Variants in TTC6 observed in about 807,000 individuals in gnomAD.
The protein encoded by TTC6 is tetratricopeptide repeat protein 6.
TTC6 carries 172 observed loss-of-function variants against 210.4 expected under a neutral mutation model. That is an observed-to-expected ratio of 0.82 (90% CI 0.72 to 0.93). The LOEUF (loss-of-function observed/expected upper bound fraction) is 0.93. TTC6 is among the 40% of genes least tolerant of loss of function. The pLI, the probability that TTC6 is intolerant of heterozygous loss-of-function variation, is 0.00. For missense variants in TTC6, 2,414 were observed against 2,318.1 expected (o/e 1.04, Z -0.85); for synonymous variants, 804 against 819.6 (o/e 0.98, Z 0.32).
chr14:37,694,963 C>T (rs1387423052), intron 3 of TTC6, among the ~76,000 whole-genome samples: 1 of 149,206 alleles, frequency 6.7e-6, no homozygotes, highest in African/African-American at 2.5e-5. Flanking sequence ...ATCAGTGGAG[C>T]CCAAGAGGTT....
At chr14:37,842,369 T>C in exon 31 of TTC6, 3 of 1,286,888 alleles carry the variant, frequency 2.3e-6, no homozygotes, top group African/African-American at 3.0e-5. Context: ...GTCTAAAAGG[T>C]TCTACCATTT....
exon 20 of TTC6, chr14:37,796,838 A>G (rs776800112): frequency 2.5e-6 from 4 of 1,609,806 alleles, no homozygotes; most frequent in Non-Finnish European, 3.4e-6. Flanking sequence ...TCATTTTGTG[A>G]AAACCATGAC....
intron 6 of TTC6, among the ~76,000 whole-genome samples, chr14:37,723,492 A>G (rs932191072): frequency 1.3e-5 from 2 of 152,078 alleles, no homozygotes; most frequent in Admixed American, 1.3e-4. Flanking sequence ...ACTCTAATCT[A>G]CCTCATGGGT....
At chr14:37,742,475 T>A (rs992967168) in intron 10 of TTC6, among the ~76,000 whole-genome samples, 3 of 152,102 alleles carry the variant, frequency 2.0e-5, no homozygotes, top group Admixed American at 6.6e-5. Context: ...AATGGTGTGA[T>A]CTTGGCTCAC....
At chr14:37,672,509 G>T (rs2095760248) in intron 1 of TTC6, among the ~76,000 whole-genome samples, 1 of 152,132 alleles carries the variant, frequency 6.6e-6, no homozygotes. Context: ...GCCCTGGAGT[G>T]CTGTGGCAAC....
At chr14:37,654,702 C>G (rs924002718) in intron 1 of TTC6, among the ~76,000 whole-genome samples, 33 of 152,250 alleles carry the variant, frequency 2.2e-4, no homozygotes, top group African/African-American at 7.7e-4. Flanking sequence ...GAAGAACTGA[C>G]AGAATTATCA....
Position 37,751,073 on chromosome 14 carries a change from G to T in TTC6, c.2977G>T (p.Glu993Ter). 1 of 1,522,196 alleles carries T rather than the reference G, an allele frequency of 6.6e-7. No individual in the cohort carries two copies. The highest frequency in any genetic ancestry group is 8.8e-7 in the Non-Finnish European group (1 of 1,139,802). 94.3% of individuals were successfully genotyped at this position (1,522,196 alleles called of 1,614,324 possible). ...TTTAGAGGCATATTTGTCAAAAGCA[G>T]AAATTTACAGGGGAAAAAAAGACAT... The change falls in exon 13 of 31, where the codon GAA becomes TAA. Residue 993 changes from glutamate to a stop codon, truncating the protein, a stop_gained. Coordinates refer to ENST00000553443, the Ensembl canonical transcript of TTC6. LOFTEE classifies it high-confidence loss of function.
At chr14:37,630,758 G>T (rs894463761) in intron 1 of TTC6, among the ~76,000 whole-genome samples, 4 of 151,914 alleles carry the variant, frequency 2.6e-5, no homozygotes, top group African/African-American at 9.7e-5. Context: ...ATGAATCTGG[G>T]TGCTCTTGTA....
chr14:37,695,702 T>A (rs570605914), intron 3 of TTC6, among the ~76,000 whole-genome samples: 20 of 152,068 alleles, frequency 1.3e-4, no homozygotes, highest in Non-Finnish European at 2.6e-4. Flanking sequence ...AAGAGTATAA[T>A]TGGATTGTTT....
intron 3 of TTC6, among the ~76,000 whole-genome samples, chr14:37,693,831 A>G (rs964821193): frequency 2.0e-5 from 3 of 152,176 alleles, no homozygotes; most frequent in African/African-American, 4.8e-5. Flanking sequence ...TGCTGGGGAA[A>G]AGGGAGCCTC....
chr14:37,698,073 A>G (rs2095818060), intron 4 of TTC6, among the ~76,000 whole-genome samples: 1 of 152,200 alleles, frequency 6.6e-6, no homozygotes, highest in Non-Finnish European at 1.5e-5. Context: ...TAAAACAAAA[A>G]TTAGAAATTT....
At chr14:37,753,184 T>C (rs757617411) in exon 14 of TTC6, 3 of 1,535,386 alleles carry the variant, frequency 2.0e-6, no homozygotes, top group African/African-American at 1.4e-5. Flanking sequence ...TTTGCAGCCA[T>C]AGAGGATTTT....
chr14:37,720,100 C>A (rs1014765202), intron 6 of TTC6, among the ~76,000 whole-genome samples: 2 of 152,140 alleles, frequency 1.3e-5, no homozygotes, highest in Admixed American at 1.3e-4. Flanking sequence ...TGCGCAACAT[C>A]ATTAGCTATT....
At chr14:37,727,010 A>G (rs1023584836) in intron 7 of TTC6, among the ~76,000 whole-genome samples, 4 of 151,794 alleles carry the variant, frequency 2.6e-5, no homozygotes, top group African/African-American at 7.2e-5. Context: ...TTTAAATTGA[A>G]TACTTTCCCT....
chr14:37,744,812 G>A (rs1181319483), intron 10 of TTC6, among the ~76,000 whole-genome samples: 1 of 152,124 alleles, frequency 6.6e-6, no homozygotes, highest in East Asian at 1.9e-4. Flanking sequence ...GGTTCGCTCT[G>A]GTTACTTGTG....
chr14:37,812,852 T>C (rs17179609), intron 25 of TTC6, among the ~76,000 whole-genome samples: 10,337 of 152,222 alleles, frequency 0.068, 525 homozygotes, highest in South Asian at 0.13. Flanking sequence ...TCAGAATGGG[T>C]TACTGGTAAC....
chr14:37,683,106 A>G (rs2095787563), intron 3 of TTC6, 142 bp downstream of exon 5: 6 of 688,518 alleles, frequency 8.7e-6, no homozygotes, highest in African/African-American at 1.8e-5. Flanking sequence ...AGGGGGCCTC[A>G]GAAGTGCAAG....
chr14:37,660,540 C>T (rs944687180), intron 1 of TTC6, among the ~76,000 whole-genome samples: 7 of 151,396 alleles, frequency 4.6e-5, no homozygotes, highest in African/African-American at 1.7e-4. Flanking sequence ...AGCCTGGCTG[C>T]GTAGTATTCC....
intron 5 of TTC6, among the ~76,000 whole-genome samples, chr14:37,702,652 A>G (rs1251569193): frequency 1.3e-5 from 2 of 152,214 alleles, no homozygotes; most frequent in African/African-American, 4.8e-5. Context: ...TAATTTAACT[A>G]TCCTAGGTAT....
Sources: gnomAD v4.1 joint callset for allele counts (sites outside exome capture counted in the v4.1 genomes callset) on GRCh38, gnomAD v4.1.1 for gene constraint, MANE v1.5 for transcripts, NCBI Gene and HGNC (gene_info 2026-07-23, HGNC 2026-07-21) for gene names.